The following KIAA1958 variants were observed in gnomAD, a reference collection of about 807,000 sequenced individuals.
KIAA1958 encodes uncharacterized protein KIAA1958.
Under a neutral mutation model 47.2 loss-of-function variants are expected in KIAA1958, and 14 were observed. The ratio of observed to expected loss-of-function variants is 0.30; its 90% CI spans 0.20 to 0.46. The LOEUF is 0.46. KIAA1958 is among the 20% of genes least tolerant of loss of function. KIAA1958 has a pLI of 1.00. For missense variants in KIAA1958, 803 were observed against 909.2 expected, an observed-to-expected ratio of 0.88 and a Z score of 1.50; for synonymous variants, 354 against 353.3, an observed-to-expected ratio of 1.00 and a Z score of -0.02.
chr9:112,624,870 G>A (rs888164118), intron 2 of KIAA1958, among the ~76,000 whole-genome samples: 8 of 152,142 alleles, frequency 5.3e-5, no homozygotes, highest in African/African-American at 1.9e-4. Context: ...ATCTGGAAAG[G>A]ACCCAAGAGA....
chr9:112,645,816 C>T lies in KIAA1958; in HGVS notation c.1338C>T (p.Ile446=), dbSNP rs756441257. 1 of 1,611,718 alleles carries T rather than the reference C, an allele frequency of 6.2e-7. No individual in the cohort carries two copies. The highest frequency in any genetic ancestry group is 1.1e-5 in the South Asian group (1 of 90,440). Reference sequence around the variant, plus strand: ...ACGGGCTCAAAGACCACACAGACATCACCAAGGTAAGGGACTCTTGAGTTT... The same window carrying T: ...ACGGGCTCAAAGACCACACAGACATTACCAAGGTAAGGGACTCTTGAGTTT... ...MTNGLKDHTD[I]TKIPAVKLNE... Residue 446 remains isoleucine (I), a synonymous_variant, in exon 3 of 4, where the codon ATC becomes ATT. Coordinates refer to ENST00000337530, the MANE Select transcript of KIAA1958 (RefSeq NM_133465.4).
At position 112,618,756 on chromosome 9, in the gene KIAA1958, T is replaced by C; in HGVS notation, c.1172-26894T>C. ...CCTGGCAGGAAAACCAACTTCAGTG[T>C]GTATCAGAGCTGCAGCACCTTGTCT... On this transcript the variant is annotated intron_variant, in intron 2 of 3. Transcript: ENST00000337530. This position sits in a 1 kb window ranked among gnomAD's most constrained non-coding sequence, Gnocchi z 7.1. The C allele has an allele frequency of 1.3e-6, 2 of 1,550,650 alleles. No individual in the cohort carries two copies. The highest frequency in any genetic ancestry group is 1.7e-6 in the Non-Finnish European group (2 of 1,147,002).
At chr9:112,652,273 T>C (rs1374402851) in intron 3 of KIAA1958, among the ~76,000 whole-genome samples, 6 of 152,196 alleles carry the variant, frequency 3.9e-5, no homozygotes, top group African/African-American at 1.4e-4. Context: ...TCATCCATAG[T>C]GAGTCTTGAC....
Position 112,566,348 on chromosome 9 carries a change from T to C in KIAA1958, c.-24-7709T>C, listed in dbSNP as rs140709576. Among the ~76,000 whole-genome samples the C allele has an allele frequency of 5.8e-4, 88 of 152,318 alleles. 1 individual carries two copies. The highest frequency in any genetic ancestry group is 2.1e-3 in the African/African-American group (88 of 41,576). On this transcript the variant is annotated intron_variant, in intron 1 of 3. Transcript: ENST00000337530. ...ATGAGGGCCTTCAGCAAAGGTACTA[T>C]TTTACTATTGTATAGTAGCTTCTAC... is the stretch of plus-strand genomic sequence containing the variant.
intron 2 of KIAA1958, among the ~76,000 whole-genome samples, chr9:112,577,887 C>T (rs1835676455): frequency 6.6e-6 from 1 of 151,912 alleles, no homozygotes; most frequent in Admixed American, 6.6e-5. Context: ...GCTGGCATGG[C>T]CAAAGAGAGC....
At chr9:112,629,071 A>G (rs981510160) in intron 2 of KIAA1958, among the ~76,000 whole-genome samples, 1 of 152,322 alleles carries the variant, frequency 6.6e-6, no homozygotes, top group Admixed American at 6.5e-5. Flanking sequence ...AAGGTCTTCC[A>G]TCCTTCTTAT....
chr9:112,609,003 A>G (rs1588038217), intron 2 of KIAA1958, among the ~76,000 whole-genome samples: 1 of 152,242 alleles, frequency 6.6e-6, no homozygotes, highest in African/African-American at 2.4e-5. Context: ...AGATACTGAA[A>G]TAGTCTCTTT....
intron 2 of KIAA1958, among the ~76,000 whole-genome samples, chr9:112,590,557 C>T (rs893404938): frequency 2.0e-5 from 3 of 152,024 alleles, no homozygotes; most frequent in African/African-American, 4.8e-5. Context: ...TCACTGTGTT[C>T]GCCAGACTGG....
chr9:112,648,852 C>T (rs906748934), intron 3 of KIAA1958, among the ~76,000 whole-genome samples: 5 of 152,116 alleles, frequency 3.3e-5, no homozygotes, highest in African/African-American at 4.8e-5. Context: ...AATTATCAGA[C>T]GTGCAATGAA....
chr9:112,657,653 TA>T (rs932096829), intron 3 of KIAA1958, among the ~76,000 whole-genome samples: 8 of 150,648 alleles, frequency 5.3e-5, no homozygotes, highest in East Asian at 1.9e-4. Context: ...GTCTACTTGA[TA>T]AAAAAAAAAT....
At chr9:112,593,399 CA>C (rs1273076740) in intron 2 of KIAA1958, among the ~76,000 whole-genome samples, 1 of 152,116 alleles carries the variant, frequency 6.6e-6, no homozygotes, top group African/African-American at 2.4e-5. Context: ...TTGTCTTATA[CA>C]AGGTGATGGC....
In KIAA1958 at chr9:112,660,085, C is replaced by G. The variant is rs1301783161; in HGVS notation, c.*16C>G. ...CTGCCAGTGAGCCCCCACTGGGGCC[C>G]GGCCACTGCCCTGTCACCTGCTCGG... On this transcript the variant is annotated 3_prime_UTR_variant, in exon 4 of 4. Transcript: ENST00000337530. 1 of 1,605,826 alleles carries G rather than the reference C, an allele frequency of 6.2e-7. No homozygotes were observed. The highest frequency in any genetic ancestry group is 1.3e-5 in the African/African-American group (1 of 74,810).
chr9:112,550,442 CAT>C (rs946691080), intron 1 of KIAA1958, among the ~76,000 whole-genome samples: 4 of 152,246 alleles, frequency 2.6e-5, no homozygotes, highest in South Asian at 4.2e-4. Flanking sequence ...CAAATTTTAT[CAT>C]AGAGAGTGAG....
intron 2 of KIAA1958, among the ~76,000 whole-genome samples, chr9:112,606,766 A>G (rs1188902710): frequency 6.6e-6 from 1 of 152,192 alleles, no homozygotes; most frequent in Non-Finnish European, 1.5e-5. Flanking sequence ...ACCCTTCTTT[A>G]TAGATCAGAA....
intron 1 of KIAA1958, among the ~76,000 whole-genome samples, chr9:112,567,720 AGGCCG>A (rs776009280): frequency 6.6e-6 from 1 of 152,132 alleles, no homozygotes; most frequent in Non-Finnish European, 1.5e-5. Context: ...GCACTTTGGG[AGGCCG>A]AGGTGGGTGG....
chr9:112,594,945 A>C (rs1450253584), intron 2 of KIAA1958, among the ~76,000 whole-genome samples: 2 of 152,106 alleles, frequency 1.3e-5, no homozygotes, highest in Non-Finnish European at 2.9e-5. Flanking sequence ...GTGGTACCTC[A>C]TTGTGGTTTT....
intron 1 of KIAA1958, among the ~76,000 whole-genome samples, chr9:112,500,524 G>C (rs528341426): frequency 6.6e-6 from 1 of 150,558 alleles, no homozygotes; most frequent in African/African-American, 2.4e-5. Flanking sequence ...ACCTGGGCTT[G>C]AGCAATCCTC....
chr9:112,503,454 G>A (rs1407934964), intron 1 of KIAA1958, among the ~76,000 whole-genome samples: 1 of 151,774 alleles, frequency 6.6e-6, no homozygotes, highest in African/African-American at 2.4e-5. Flanking sequence ...ATAAGTTTGA[G>A]ACCAGCTGGG....
chr9:112,548,580 T>C (rs574478161), intron 1 of KIAA1958, among the ~76,000 whole-genome samples: 4 of 152,302 alleles, frequency 2.6e-5, no homozygotes, highest in East Asian at 3.9e-4. Flanking sequence ...TATATTGTTG[T>C]TACTTGTTTT....
Sources: allele counts gnomAD v4.1 joint callset (sites outside exome capture counted in the v4.1 genomes callset), GRCh38; gene constraint gnomAD v4.1.1; non-coding constraint Gnocchi (gnomAD v3.1); transcripts MANE v1.5; gene names NCBI Gene and HGNC (gene_info 2026-07-23, HGNC 2026-07-21).